The following ABL1 variants were observed in gnomAD, a reference collection of about 807,000 sequenced individuals.
ABL1 encodes the protein tyrosine-protein kinase ABL1.
A neutral mutation model predicts 94.7 loss-of-function variants in ABL1; 11 were observed. That is an observed-to-expected ratio of 0.12 (90% CI 0.07 to 0.19). ABL1 has a LOEUF of 0.19. ABL1 is among the 10% of genes least tolerant of loss of function. The pLI, the probability that ABL1 is intolerant of heterozygous loss-of-function variation, is 1.00. For missense variants in ABL1, 1,082 were observed against 1,489.4 expected, an observed-to-expected ratio of 0.73 and a Z score of 4.50; for synonymous variants, 656 against 622.4, an observed-to-expected ratio of 1.05 and a Z score of -0.80.
At chr9:130,759,258 G>A (rs2791741) in intron 1 of ABL1, among the ~76,000 whole-genome samples, 45,464 of 151,990 alleles carry the variant, frequency 0.3, 9,369 homozygotes, top group African/African-American at 0.56. Context: ...AAGAGGATCA[G>A]CTTCTGTGAT....
At chr9:130,734,059 AGT>A in intron 1 of ABL1, among the ~76,000 whole-genome samples, 1 of 152,176 alleles carries the variant, frequency 6.6e-6, no homozygotes, top group South Asian at 2.1e-4. Flanking sequence ...TGACAGCTTG[AGT>A]GTTTTTCAAT....
intron 1 of ABL1, among the ~76,000 whole-genome samples, chr9:130,767,721 C>G (rs1013114645): frequency 6.6e-6 from 1 of 152,348 alleles, no homozygotes; most frequent in South Asian, 2.1e-4. Flanking sequence ...AGAGCAGCCA[C>G]AGGCCAGCTC....
chr9:130,750,873 C>A (rs1359215868), intron 1 of ABL1, among the ~76,000 whole-genome samples: 2 of 151,542 alleles, frequency 1.3e-5, no homozygotes, highest in South Asian at 4.2e-4. Context: ...TCTCGAACTC[C>A]TGACCTCAGG....
At chr9:130,763,931 G>A (rs1043505640) in intron 1 of ABL1, among the ~76,000 whole-genome samples, 32 of 152,136 alleles carry the variant, frequency 2.1e-4, no homozygotes, top group Non-Finnish European at 5.9e-5. Flanking sequence ...CACGTGTACC[G>A]CTACCACCCC....
intron 1 of ABL1, among the ~76,000 whole-genome samples, chr9:130,792,652 C>G (rs7027136): frequency 0.27 from 40,310 of 151,978 alleles, 7,517 homozygotes; most frequent in African/African-American, 0.54. Flanking sequence ...AGAGATAGTT[C>G]AAATAATATG....
At chr9:130,799,801 T>C (rs895547608) in intron 1 of ABL1, among the ~76,000 whole-genome samples, 1 of 152,170 alleles carries the variant, frequency 6.6e-6, no homozygotes, top group African/African-American at 2.4e-5. Flanking sequence ...CTTTGTGTAA[T>C]AATGGACGCT....
Position 130,884,068 on chromosome 9 carries a change from A to G in ABL1, c.1778A>G (p.Lys593Arg). Residue 593 changes from lysine to arginine, a missense_variant, in exon 11 of 11, where the codon AAA (lysine) becomes AGA (arginine). By Grantham distance (26) the Lys-to-Arg change is conservative. Transcript: ENST00000318560. The surrounding 1 kb of genome is among the most constrained non-coding windows in gnomAD (Gnocchi z 5.6). ...AATGAAGATGAGCGCCTTCTCCCCA[A>G]AGACAAAAAGACCAACTTGTTCAGC... The part of the protein sequence containing the change: ...GLNEDERLLP[K>R]DKKTNLFSAL... 2 of 1,613,896 alleles carry G rather than the reference A, an allele frequency of 1.2e-6. No homozygotes were observed. The highest frequency in any genetic ancestry group is 1.7e-6 in the Non-Finnish European group (2 of 1,180,032).
intron 1 of ABL1, among the ~76,000 whole-genome samples, chr9:130,727,026 G>T (rs1831595420): frequency 6.6e-6 from 1 of 152,194 alleles, no homozygotes; most frequent in Admixed American, 6.5e-5. Flanking sequence ...AACATCTTCT[G>T]TAGAATTTCA....
At chr9:130,876,733 C>CTT (rs755840936) in intron 7 of ABL1, among the ~76,000 whole-genome samples, 1,362 of 83,126 alleles carry the variant, frequency 0.016, 40 homozygotes, top group East Asian at 0.027. Flanking sequence ...AAGTTGGTTT[C>CTT]TTTTTTTTTT....
intron 1 of ABL1, among the ~76,000 whole-genome samples, chr9:130,727,753 C>CT (rs1343606733): frequency 1.4e-5 from 1 of 71,114 alleles, no homozygotes; most frequent in Non-Finnish European, 3.4e-5. Context: ...GAGACACCGC[C>CT]CCCCCCCCCC....
At chr9:130,829,403 T>C (rs1487723236) in intron 1 of ABL1, among the ~76,000 whole-genome samples, 1 of 151,686 alleles carries the variant, frequency 6.6e-6, no homozygotes, top group African/African-American at 2.4e-5. Flanking sequence ...CTACTAAAAA[T>C]ACAAAAAAAT....
At chr9:130,878,313 GC>G in intron 7 of ABL1, 101 bp from the exon 8 acceptor site, 1 of 1,370,954 alleles carries the variant, frequency 7.3e-7, no homozygotes, top group Non-Finnish European at 1.0e-6. Context: ...TGCTGCTGGG[GC>G]CATCCCTTCT....
intron 3 of ABL1, among the ~76,000 whole-genome samples, chr9:130,858,810 A>G (rs1831016067): frequency 6.6e-6 from 1 of 152,222 alleles, no homozygotes. Context: ...AACTGAATTT[A>G]GAAGATTCTT....
chr9:130,761,336 G>A (rs893834498), intron 1 of ABL1, among the ~76,000 whole-genome samples: 2 of 152,124 alleles, frequency 1.3e-5, no homozygotes, highest in African/African-American at 4.8e-5. Context: ...TTGACTTCTA[G>A]GTGGGAGAAT....
intron 1 of ABL1, among the ~76,000 whole-genome samples, chr9:130,816,935 C>CTGAG (rs1163743872): frequency 6.6e-6 from 1 of 152,138 alleles, no homozygotes; most frequent in Non-Finnish European, 1.5e-5. Context: ...AACTCCTGAA[C>CTGAG]CTCAGGTGAT....
chr9:130,836,933 A>G (rs1830599009), intron 1 of ABL1, among the ~76,000 whole-genome samples: 1 of 152,152 alleles, frequency 6.6e-6, no homozygotes, highest in African/African-American at 2.4e-5. Context: ...AGCAGGAGAA[A>G]TAAACAGGCC....
At chr9:130,748,617 C>G (rs893464559) in intron 1 of ABL1, among the ~76,000 whole-genome samples, 3 of 151,544 alleles carry the variant, frequency 2.0e-5, no homozygotes, top group African/African-American at 7.3e-5. Context: ...GCTCTGTCGC[C>G]CACACTGGAG....
rs1025465118 is a variant in ABL1, at chr9:130,755,368, G to A, written c.136+40913G>A. Among the ~76,000 whole-genome samples the A allele has an allele frequency of 3.9e-5, 6 of 152,248 alleles. No homozygotes were observed. The South Asian group carries it at 1.2e-3, about 32-fold the overall frequency. ...TAGAAATGGGGGTGACATTCACAGAGTAGGGTGGTTCCCTGTAGTTCCTCC... is the reference window on the plus strand; with the variant it reads ...TAGAAATGGGGGTGACATTCACAGAATAGGGTGGTTCCCTGTAGTTCCTCC... On this transcript the variant is annotated intron_variant, in intron 1 of 10. Transcript: ENST00000372348.
intron 4 of ABL1, among the ~76,000 whole-genome samples, chr9:130,864,717 C>T (rs1016263371): frequency 1.3e-5 from 2 of 152,164 alleles, no homozygotes; most frequent in Non-Finnish European, 2.9e-5. Context: ...CCTCGGGACA[C>T]CACCAGGGGG....
Sources: gnomAD v4.1 joint callset for allele counts (sites outside exome capture counted in the v4.1 genomes callset) on GRCh38, gnomAD v4.1.1 for gene constraint, Gnocchi (gnomAD v3.1) non-coding constraint, MANE v1.5 for transcripts, NCBI Gene and HGNC (gene_info 2026-07-23, HGNC 2026-07-21) for gene names.